The following DAAM1 variants were observed in gnomAD, a reference collection of about 807,000 sequenced individuals.
DAAM1 encodes the protein dishevelled associated activator of morphogenesis 1.
In DAAM1, 52 loss-of-function variants were observed where a neutral mutation model predicts 130.0. The ratio of observed to expected loss-of-function variants is 0.40; its 90% confidence interval spans 0.32 to 0.50. The LOEUF is 0.50. DAAM1 is among the 20% of genes least tolerant of loss of function. The pLI, the probability that DAAM1 is intolerant of heterozygous loss-of-function variation, is 0.61. For missense variants in DAAM1, 1,134 were observed against 1,303.8 expected (o/e 0.87, Z 2.01); for synonymous variants, 452 against 444.5 (o/e 1.02, Z -0.21).
intron 23 of DAAM1, 43 bp from the exon 24 acceptor site, chr14:59,367,386 A>G: frequency 6.4e-7 from 1 of 1,555,780 alleles, no homozygotes; most frequent in Non-Finnish European, 8.7e-7. Context: ...TGATTGTGGA[A>G]TTCTCATGAA....
intron 1 of DAAM1, among the ~76,000 whole-genome samples, chr14:59,244,184 C>T (rs1376489441): frequency 6.6e-6 from 1 of 151,772 alleles, no homozygotes; most frequent in African/African-American, 2.4e-5. Context: ...TGCCTTTCAT[C>T]TTCTGCCATG....
At chr14:59,342,289 A>G (rs1314098902) in intron 16 of DAAM1, among the ~76,000 whole-genome samples, 2 of 152,160 alleles carry the variant, frequency 1.3e-5, no homozygotes, top group African/African-American at 2.4e-5. Context: ...GGCTGCATTG[A>G]TAAGGATCTG....
chr14:59,328,842 G>A (rs1453403084), intron 12 of DAAM1, among the ~76,000 whole-genome samples: 1 of 152,120 alleles, frequency 6.6e-6, no homozygotes, highest in African/African-American at 2.4e-5. Context: ...TGAAATGATG[G>A]GTAGAGTCTA....
intron 24 of DAAM1, 117 bp downstream of exon 24, chr14:59,367,716 C>T: frequency 7.4e-7 from 1 of 1,345,644 alleles, no homozygotes; most frequent in Non-Finnish European, 9.7e-7. Flanking sequence ...AATGTACTCT[C>T]TAGAATGCTG....
intron 18 of DAAM1, among the ~76,000 whole-genome samples, chr14:59,353,046 C>G (rs1886348153): frequency 6.6e-6 from 1 of 151,844 alleles, no homozygotes; most frequent in Non-Finnish European, 1.5e-5. Context: ...ATGTCAGCCT[C>G]AAGCCCCCAT....
chr14:59,344,120 C>CA (rs1368033310), intron 16 of DAAM1, among the ~76,000 whole-genome samples: 2 of 152,186 alleles, frequency 1.3e-5, no homozygotes, highest in Non-Finnish European at 2.9e-5. Context: ...ACCTGAAACA[C>CA]AGTTTTATGA....
intron 8 of DAAM1, among the ~76,000 whole-genome samples, chr14:59,324,660 G>C (rs1343826032): frequency 6.6e-6 from 1 of 152,148 alleles, no homozygotes; most frequent in East Asian, 1.9e-4. Flanking sequence ...ACTTAATGTG[G>C]GTTTTAGCAT....
intron 2 of DAAM1, chr14:59,265,445 C>T (rs140123909): frequency 6.6e-6 from 1 of 152,170 alleles, no homozygotes; most frequent in Non-Finnish European, 1.5e-5. Context: ...AACCTGCCCC[C>T]CAAAGATCTG....
chr14:59,367,556 A>G lies in DAAM1; in HGVS notation c.2954A>G (p.Lys985Arg), dbSNP rs765975494. ...EAKQENENMR[K>R]KKEEEERRAR... Reference sequence around the variant, plus strand: ...AAACAAGAAAACGAAAATATGAGAAAGAAAAAGGAGGAAGAAGAACGTCGA... The same window carrying G: ...AAACAAGAAAACGAAAATATGAGAAGGAAAAAGGAGGAAGAAGAACGTCGA... Residue 985 changes from lysine (K) to arginine (R), a missense_variant, in exon 24 of 25, where the codon AAG becomes AGG. By Grantham distance (26) the Lys-to-Arg change is conservative (BLOSUM62 2). Transcript: ENST00000360909. The G allele has an allele frequency of 6.2e-7, 1 of 1,614,014 alleles. No homozygotes were observed. Among genetic ancestry groups the G allele is most frequent in the Non-Finnish European group, 8.5e-7 (1 of 1,179,910 alleles).
intron 1 of DAAM1, among the ~76,000 whole-genome samples, chr14:59,250,437 C>T (rs946944176): frequency 1.3e-5 from 2 of 152,074 alleles, no homozygotes; most frequent in Non-Finnish European, 2.9e-5. Context: ...ACAGTGAAAC[C>T]GTCTGCATTT....
At chr14:59,280,574 A>G (rs1594797121) in intron 2 of DAAM1, among the ~76,000 whole-genome samples, 2 of 108,930 alleles carry the variant, frequency 1.8e-5, no homozygotes, top group Admixed American at 1.4e-4. Context: ...CTGCTATGTC[A>G]GACTGCTTTT....
intron 1 of DAAM1, among the ~76,000 whole-genome samples, chr14:59,215,754 TAAGG>T (rs1026597214): frequency 2.0e-5 from 3 of 152,118 alleles, no homozygotes; most frequent in South Asian, 2.1e-4. Flanking sequence ...TTGAGGTAGA[TAAGG>T]AAGGAAACAC....
chr14:59,297,849 TC>T (rs1203763502), intron 3 of DAAM1, among the ~76,000 whole-genome samples: 1 of 152,220 alleles, frequency 6.6e-6, no homozygotes, highest in African/African-American at 2.4e-5. Context: ...TATATAGGGT[TC>T]AGTACTATCC....
chr14:59,267,074 C>T (rs1882478213), intron 2 of DAAM1, among the ~76,000 whole-genome samples: 1 of 152,196 alleles, frequency 6.6e-6, no homozygotes, highest in Non-Finnish European at 1.5e-5. Context: ...CTTCTAGACA[C>T]AACACTCTAA....
rs1216287898 is a variant in DAAM1 at position 59,327,000 on chromosome 14, T to G, written c.1372+9T>G. ...GGAAAAAATGAGAAAAGGTAAATAA[T>G]GAGGCCCTGATAAGAGGCTGTGTTA... On this transcript the variant is annotated intron_variant, in intron 12 of 24. Coordinates refer to ENST00000360909, the MANE Select transcript of DAAM1 (RefSeq NM_001270520.2). 1 of 1,613,912 alleles carries G rather than the reference T, an allele frequency of 6.2e-7. No homozygotes were observed. Among genetic ancestry groups the G allele is most frequent in the Non-Finnish European group, 8.5e-7 (1 of 1,179,886 alleles).
chr14:59,363,838 A>T, intron 23 of DAAM1, 56 bp downstream of exon 23: 1 of 1,603,498 alleles, frequency 6.2e-7, no homozygotes, highest in Non-Finnish European at 8.5e-7. Context: ...CTTCAGTGTG[A>T]TACTTTCAGT....
intron 21 of DAAM1, among the ~76,000 whole-genome samples, chr14:59,359,849 C>T (rs956496822): frequency 6.6e-6 from 1 of 152,212 alleles, no homozygotes; most frequent in African/African-American, 2.4e-5. Flanking sequence ...CATATGCACA[C>T]ATACTCCCAG....
chr14:59,322,751 A>G, intron 5 of DAAM1, 141 bp from the exon 6 acceptor site: 1 of 669,062 alleles, frequency 1.5e-6, no homozygotes, highest in Non-Finnish European at 2.5e-6. Context: ...AGAGGCAAAG[A>G]ATTAAAAAGA....
At chr14:59,239,799 A>G (rs1023488647) in intron 1 of DAAM1, among the ~76,000 whole-genome samples, 1 of 152,042 alleles carries the variant, frequency 6.6e-6, no homozygotes, top group Non-Finnish European at 1.5e-5. Flanking sequence ...TTATTTCTAA[A>G]AGCTCCCTGC....
Sources: allele counts gnomAD v4.1 joint callset (sites outside exome capture counted in the v4.1 genomes callset), GRCh38; gene constraint gnomAD v4.1.1; transcripts MANE v1.5; gene names NCBI Gene and HGNC (gene_info 2026-07-23, HGNC 2026-07-21).